Variants in PRKG1 observed in about 807,000 individuals in gnomAD.
PRKG1 encodes cGMP-dependent protein kinase 1.
PRKG1 carries 35 observed loss-of-function variants against 88.1 expected under a neutral mutation model. The observed-to-expected ratio is 0.40, with a 90% CI of 0.30 to 0.53. PRKG1 has a LOEUF of 0.53. Among genes scored for constraint, PRKG1 ranks in the 20% least tolerant of loss-of-function variants. The pLI, the probability that PRKG1 is intolerant of heterozygous loss-of-function variation, is 0.59. For synonymous variants in PRKG1, 303 were observed against 292.5 expected, an observed-to-expected ratio of 1.04 and a Z score of -0.37; for missense variants, 540 against 839.8, an observed-to-expected ratio of 0.64 and a Z score of 4.41.
chr10:51,750,199 G>A (rs943254390), intron 3 of PRKG1, among the ~76,000 whole-genome samples: 32 of 152,064 alleles, frequency 2.1e-4, no homozygotes, highest in African/African-American at 6.8e-4. Context: ...GACCCCCAAA[G>A]TGCTGGTATT....
chr10:51,071,350 G>T (rs1843824071), upstream of PRKG1, among the ~76,000 whole-genome samples: 2 of 152,076 alleles, frequency 1.3e-5, no homozygotes, highest in African/African-American at 4.8e-5. Flanking sequence ...AAAGAGAAAA[G>T]GCTAGAATCC....
intron 1 of PRKG1, among the ~76,000 whole-genome samples, chr10:51,056,759 T>C (rs1843630637): frequency 6.6e-6 from 1 of 152,140 alleles, no homozygotes; most frequent in African/African-American, 2.4e-5. Context: ...TCCTTGTCTG[T>C]CTCCTATCTG....
At chr10:51,139,717 C>A (rs186396554) in intron 1 of PRKG1, among the ~76,000 whole-genome samples, 62 of 152,318 alleles carry the variant, frequency 4.1e-4, no homozygotes, top group African/African-American at 1.4e-3. Flanking sequence ...TCTCTGCTGT[C>A]ACCATCCTAA....
chr10:52,036,569 T>C (rs1234959519), intron 5 of PRKG1, among the ~76,000 whole-genome samples: 1 of 151,936 alleles, frequency 6.6e-6, no homozygotes, highest in East Asian at 1.9e-4. Context: ...GGGTGCATGA[T>C]TGGTCGCCAA....
intron 3 of PRKG1, among the ~76,000 whole-genome samples, chr10:51,644,682 C>G (rs1434663577): frequency 6.6e-6 from 1 of 151,966 alleles, no homozygotes; most frequent in Non-Finnish European, 1.5e-5. Flanking sequence ...CTTCAATGAC[C>G]CTTAATTCCT....
At chr10:52,180,990 G>T (rs1839009344) in intron 9 of PRKG1, among the ~76,000 whole-genome samples, 1 of 152,110 alleles carries the variant, frequency 6.6e-6, no homozygotes, top group African/African-American at 2.4e-5. Context: ...TTTTTCTCAG[G>T]TCCATGATTT....
At chr10:52,078,553 C>T (rs1846689769) in intron 7 of PRKG1, among the ~76,000 whole-genome samples, 1 of 152,186 alleles carries the variant, frequency 6.6e-6, no homozygotes, top group African/African-American at 2.4e-5. Context: ...CTGTATGCAC[C>T]TGAGAGGTAA....
chr10:51,098,307 AG>A (rs1436277728), intron 1 of PRKG1, among the ~76,000 whole-genome samples: 1 of 152,172 alleles, frequency 6.6e-6, no homozygotes, highest in African/African-American at 2.4e-5. Flanking sequence ...CTGCTATCAA[AG>A]CATAGTTGTG....
intron 5 of PRKG1, among the ~76,000 whole-genome samples, chr10:52,048,475 C>T (rs1013401045): frequency 2.3e-4 from 35 of 152,038 alleles, no homozygotes. Context: ...TGACTGTGAT[C>T]TAACAAAAGA....
chr10:51,490,300 T>C (rs1245201024), intron 3 of PRKG1, among the ~76,000 whole-genome samples: 2 of 152,178 alleles, frequency 1.3e-5, no homozygotes, highest in Non-Finnish European at 2.9e-5. Flanking sequence ...ACATTTGTGG[T>C]TCTTGCATTT....
chr10:52,119,710 T>A (rs951692471), intron 7 of PRKG1, among the ~76,000 whole-genome samples: 1 of 152,226 alleles, frequency 6.6e-6, no homozygotes, highest in Non-Finnish European at 1.5e-5. Flanking sequence ...TGTCTTGTCC[T>A]GTCTTGATCT....
chr10:51,503,014 T>G (rs537212295), intron 3 of PRKG1, among the ~76,000 whole-genome samples: 71 of 152,286 alleles, frequency 4.7e-4, no homozygotes, highest in South Asian at 1.0e-3. Context: ...CACATTTCAC[T>G]TCATTTTTAA....
At chr10:52,002,434 C>T (rs1844623767) in intron 5 of PRKG1, among the ~76,000 whole-genome samples, 1 of 152,052 alleles carries the variant, frequency 6.6e-6, no homozygotes, top group South Asian at 2.1e-4. Flanking sequence ...ACACTGGTGC[C>T]TCCTTTTCTT....
intron 5 of PRKG1, among the ~76,000 whole-genome samples, chr10:51,920,644 C>T (rs1842444758): frequency 1.3e-5 from 2 of 152,062 alleles, no homozygotes; most frequent in Admixed American, 1.3e-4. Flanking sequence ...TGGCAGCACC[C>T]TTTAATTGTG....
chr10:51,343,642 A>G (rs1842049960), intron 2 of PRKG1, among the ~76,000 whole-genome samples: 1 of 152,172 alleles, frequency 6.6e-6, no homozygotes, highest in Non-Finnish European at 1.5e-5. Context: ...ATAATTTTAT[A>G]AATTATTTTT....
chr10:52,129,901 A>G (rs1837209758), intron 7 of PRKG1, among the ~76,000 whole-genome samples: 1 of 152,206 alleles, frequency 6.6e-6, no homozygotes, highest in East Asian at 1.9e-4. Context: ...TAAATCTGAT[A>G]GCAAAGCATA....
rs1375899307 is a variant in PRKG1, at chr10:51,208,717, G to A, written c.478+55387G>A. Among the ~76,000 whole-genome samples, 3 of 152,142 alleles carry A rather than the reference G, an allele frequency of 2.0e-5. No homozygotes were observed. In the East Asian group the frequency reaches 5.8e-4, roughly 29 times the overall value. On this transcript the variant is annotated intron_variant, in intron 2 of 17. Coordinates refer to ENST00000373980, the MANE Select transcript of PRKG1 (RefSeq NM_006258.4). ...AAAATCAGGGAAGGTCCTGGAGCTG[G>A]GCCAGTGGGATTTTTGCCATCACAA... is the stretch of plus-strand genomic sequence containing the variant.
At chr10:51,701,063 A>C (rs1462535159) in intron 3 of PRKG1, among the ~76,000 whole-genome samples, 1 of 152,210 alleles carries the variant, frequency 6.6e-6, no homozygotes, top group Non-Finnish European at 1.5e-5. Flanking sequence ...TATTTTTTAT[A>C]AGTCGAAATG....
At chr10:52,136,978 G>A (rs1837441522) in intron 8 of PRKG1, among the ~76,000 whole-genome samples, 1 of 152,006 alleles carries the variant, frequency 6.6e-6, no homozygotes, top group Admixed American at 6.6e-5. Flanking sequence ...TGAATTCACA[G>A]CTGTATTTTT....
Sources: gnomAD v4.1 joint callset for allele counts (sites outside exome capture counted in the v4.1 genomes callset) on GRCh38, gnomAD v4.1.1 for gene constraint, MANE v1.5 for transcripts, NCBI Gene and HGNC (gene_info 2026-07-23, HGNC 2026-07-21) for gene names.